The following GCSAML variants were observed in gnomAD, a reference collection of about 807,000 sequenced individuals.
The protein encoded by GCSAML is germinal center-associated signaling and motility-like protein.
Under a neutral mutation model 13.0 loss-of-function variants are expected in GCSAML, and 9 were observed. That is an observed-to-expected ratio of 0.69 (90% CI 0.42 to 1.21). GCSAML has a LOEUF of 1.21. Among genes scored for constraint, GCSAML ranks in the 50% most tolerant of loss-of-function variants. The probability of loss-of-function intolerance (pLI) is 0.00; values close to 1 mark genes in which losing one functional copy is unlikely to be tolerated. For missense variants in GCSAML, 143 were observed against 153.4 expected (o/e 0.93, Z 0.36); for synonymous variants, 37 against 52.9 (o/e 0.70, Z 1.31).
Position 247,574,665 on chromosome 1 carries a change from G to T in GCSAML, c.*283G>T. On this transcript the variant is annotated 3_prime_UTR_variant, in exon 5 of 5. Coordinates refer to ENST00000366488, the MANE Select transcript of GCSAML (RefSeq NM_145278.5). ...AAAAAAACTTTCTTAGGACAATAAT[G>T]TAAAATGAAAATAAATTTCTAATCC... is the stretch of plus-strand genomic sequence containing the variant. The T allele has an allele frequency of 2.8e-6, 1 of 357,992 alleles. No homozygotes were observed. Among genetic ancestry groups the T allele is most frequent in the East Asian group, 5.0e-5 (1 of 19,916 alleles). 22.2% of individuals were successfully genotyped at this position (357,992 alleles called of 1,614,324 possible). A position where few individuals can be genotyped will look rare whatever the true frequency, so the allele number is the denominator to read the frequency against.
At chr1:247,551,383 C>T (rs1667771922) in intron 1 of GCSAML, among the ~76,000 whole-genome samples, 1 of 152,090 alleles carries the variant, frequency 6.6e-6, no homozygotes, top group African/African-American at 2.4e-5. Flanking sequence ...AGAGATGACT[C>T]CAGTAGCAGA....
intron 1 of GCSAML, among the ~76,000 whole-genome samples, chr1:247,511,162 T>G (rs1313677707): frequency 6.6e-6 from 1 of 152,168 alleles, no homozygotes; most frequent in African/African-American, 2.4e-5. Flanking sequence ...TAAGTCTCTT[T>G]GTAGGTCTCT....
chr1:247,516,727 T>C (rs1415187888), intron 1 of GCSAML, among the ~76,000 whole-genome samples: 2 of 152,178 alleles, frequency 1.3e-5, no homozygotes, highest in Non-Finnish European at 2.9e-5. Context: ...GATGCATTTG[T>C]AACCCTCTGT....
intron 1 of GCSAML, among the ~76,000 whole-genome samples, chr1:247,520,202 G>C (rs1451476563): frequency 1.3e-5 from 2 of 152,208 alleles, no homozygotes; most frequent in Non-Finnish European, 2.9e-5. Flanking sequence ...TGACTAGGCT[G>C]TAGTACCCAG....
In GCSAML at chr1:247,529,718, G is replaced by GTTT. The variant is rs57236564; in HGVS notation, c.-148+2689_-148+2691dup. ...CAAGCCTCGGTGTTACTGTGAAGGT[G>GTTT]TTTTTTTTTTTTTTTTTTTTTTTTT... On this transcript the variant is annotated intron_variant, in intron 2 of 5. Coordinates refer to the GCSAML transcript ENST00000366489. 65 of 108,292 alleles carry GTTT rather than the reference G, an allele frequency of 6.0e-4. 5 individuals carry two copies. Among genetic ancestry groups the GTTT allele is most frequent in the African/African-American group, 2.3e-3 (63 of 27,480 alleles). 6.7% of individuals were successfully genotyped at this position (108,292 alleles called of 1,614,324 possible).
intron 2 of GCSAML, chr1:247,531,790 G>T: frequency 6.2e-7 from 1 of 1,614,172 alleles, no homozygotes; most frequent in Non-Finnish European, 8.5e-7. Context: ...GGAAGAACAG[G>T]TGTTGAATGC....
intron 1 of GCSAML, among the ~76,000 whole-genome samples, chr1:247,520,976 G>A (rs1417422409): frequency 2.0e-5 from 3 of 152,330 alleles, no homozygotes; most frequent in Non-Finnish European, 2.9e-5. Context: ...TTAGCCTGGT[G>A]TGTACTAGAC....
At chr1:247,571,792 G>A (rs1270447352) in intron 4 of GCSAML, among the ~76,000 whole-genome samples, 3 of 152,156 alleles carry the variant, frequency 2.0e-5, no homozygotes, top group African/African-American at 7.2e-5. Context: ...CCTGAAGTGT[G>A]TTTTCCAACT....
intron 1 of GCSAML, among the ~76,000 whole-genome samples, chr1:247,514,574 G>C (rs2103300902): frequency 6.6e-6 from 1 of 152,302 alleles, no homozygotes. Flanking sequence ...TTTTTCCAAT[G>C]TTATCTTGTA....
intron 2 of GCSAML, chr1:247,532,705 T>TC: frequency 1.7e-6 from 1 of 591,860 alleles, no homozygotes; most frequent in South Asian, 2.1e-5. Flanking sequence ...CAAGCAATCC[T>TC]CCCACCTCAA....
intron 2 of GCSAML, chr1:247,538,887 T>C (rs571805625): frequency 1.1e-5 from 4 of 369,790 alleles, no homozygotes; most frequent in Non-Finnish European, 2.2e-5. Flanking sequence ...AATGCAAAGC[T>C]CCAGTGCAAC....
chr1:247,522,171 C>T (rs4925680), intron 1 of GCSAML, among the ~76,000 whole-genome samples: 109,300 of 149,688 alleles, frequency 0.73, 41,720 homozygotes, highest in East Asian at 0.97. Flanking sequence ...AAGTGAGGAG[C>T]GTCTCCGCCC....
chr1:247,522,151 C>A (rs1666459089), intron 1 of GCSAML, among the ~76,000 whole-genome samples: 1 of 151,964 alleles, frequency 6.6e-6, no homozygotes, highest in Non-Finnish European at 1.5e-5. Flanking sequence ...TGGCAGCCGC[C>A]CCATCTGGAA....
chr1:247,571,982 C>G (rs185142934), intron 4 of GCSAML, among the ~76,000 whole-genome samples: 151 of 152,224 alleles, frequency 9.9e-4, no homozygotes, highest in African/African-American at 3.5e-3. Flanking sequence ...CTTTCTTCTG[C>G]CCGATCAATT....
upstream of GCSAML, among the ~76,000 whole-genome samples, chr1:247,546,573 G>A (rs1390420494): frequency 6.6e-6 from 1 of 151,902 alleles, no homozygotes; most frequent in Non-Finnish European, 1.5e-5. Context: ...GTGTTAGCCA[G>A]GATGGTCTCA....
chr1:247,536,969 T>C (rs1157832938), intron 2 of GCSAML, among the ~76,000 whole-genome samples: 1 of 152,228 alleles, frequency 6.6e-6, no homozygotes, highest in African/African-American at 2.4e-5. Context: ...TTTGGTAAAA[T>C]ACAGATAGCA....
At chr1:247,531,930 G>A (rs1272527310) in intron 2 of GCSAML, 2 of 1,614,182 alleles carry the variant, frequency 1.2e-6, no homozygotes, top group Middle Eastern at 1.6e-4. Flanking sequence ...TCTCATTGAG[G>A]CTGGTATCCA....
intron 1 of GCSAML, among the ~76,000 whole-genome samples, chr1:247,550,601 C>T (rs1331599428): frequency 6.6e-6 from 1 of 152,006 alleles, no homozygotes; most frequent in Non-Finnish European, 1.5e-5. Flanking sequence ...CCCGCCACTG[C>T]ACTCCAGCCT....
At chr1:247,566,680 G>A (rs191510728) in intron 4 of GCSAML, among the ~76,000 whole-genome samples, 5 of 152,172 alleles carry the variant, frequency 3.3e-5, no homozygotes, top group Admixed American at 6.5e-5. Context: ...CCAGGAATTA[G>A]CATTTGCATT....
Sources: allele counts gnomAD v4.1 joint callset (sites outside exome capture counted in the v4.1 genomes callset), GRCh38; gene constraint gnomAD v4.1.1; transcripts MANE v1.5; gene names NCBI Gene and HGNC (gene_info 2026-07-23, HGNC 2026-07-21).